The following SI variants were observed in gnomAD, a reference collection of about 807,000 sequenced individuals.
SI encodes sucrase-isomaltase, intestinal.
Under a neutral mutation model 253.3 loss-of-function variants are expected in SI, and 235 were observed. That is an observed-to-expected ratio of 0.93 (90% CI 0.83 to 1.03). The LOEUF (loss-of-function observed/expected upper bound fraction) is 1.03, where lower values mean the gene tolerates loss of function less well. Among genes scored for constraint, SI ranks in the 50% least tolerant of loss-of-function variants. The probability of loss-of-function intolerance (pLI) is 0.00; values close to 1 mark genes in which losing one functional copy is unlikely to be tolerated. For missense variants in SI, 2,442 were observed against 2,211.1 expected (o/e 1.10, Z -2.09); for synonymous variants, 819 against 712.0 (o/e 1.15, Z -2.39).
intron 3 of SI, among the ~76,000 whole-genome samples, chr3:165,072,835 TA>T (rs1398549056): frequency 1.0e-5 from 1 of 98,438 alleles, no homozygotes. Context: ...ATAATCTCTT[TA>T]AAATCATTTT....
chr3:164,994,294 C>T lies in SI; in HGVS notation c.4804G>A (p.Ala1602Thr). ...GGTCGGATAACAGTGCCACCATTAG[C>T]ATGAATTTCATGCATTTGTGTGTAA... ...YFYTQMHEIH[A>T]NGGTVIRPLL... Residue 1602 changes from alanine (A) to threonine (T), a missense_variant, in exon 41 of 48, where the codon GCT (alanine) becomes ACT (threonine). Coordinates refer to ENST00000264382, the MANE Select transcript of SI (RefSeq NM_001041.4). 6.2e-7 allele frequency: 1 copy of T among 1,611,114 alleles called. No individual in the cohort carries two copies. Among genetic ancestry groups the T allele is most frequent in the Non-Finnish European group, 8.5e-7 (1 of 1,178,010 alleles).
intron 37 of SI, among the ~76,000 whole-genome samples, chr3:165,002,676 T>A (rs1436089896): frequency 6.6e-6 from 1 of 151,760 alleles, no homozygotes; most frequent in Non-Finnish European, 1.5e-5. Flanking sequence ...ACCTTATTTA[T>A]AGTGTTTTTT....
intron 35 of SI, among the ~76,000 whole-genome samples, chr3:165,008,333 A>AT (rs1166038431): frequency 6.6e-6 from 1 of 151,968 alleles, no homozygotes; most frequent in Admixed American, 6.6e-5. Context: ...CCTGAGCCTG[A>AT]TATCAATTGC....
At chr3:165,038,170 T>G in intron 20 of SI, 146 bp from the exon 21 acceptor site, 2 of 705,462 alleles carry the variant, frequency 2.8e-6, no homozygotes, top group African/African-American at 1.8e-5. Flanking sequence ...TAGGAGAATT[T>G]TTTTTTTCAG....
chr3:165,021,515 T>G, intron 26 of SI, 132 bp from the exon 27 acceptor site: 2 of 740,610 alleles, frequency 2.7e-6, no homozygotes, highest in Non-Finnish European at 4.7e-6. Context: ...AATTCTACAT[T>G]CATGGTCCAT....
At chr3:165,047,997 A>G (rs1015327146) in intron 15 of SI, among the ~76,000 whole-genome samples, 1 of 152,070 alleles carries the variant, frequency 6.6e-6, no homozygotes, top group Non-Finnish European at 1.5e-5. Context: ...AATCTTTATT[A>G]TATTGAAACA....
chr3:164,991,279 C>G lies in SI; in HGVS notation c.5108+74G>C, dbSNP rs537044381. 116 of 1,563,992 alleles carry G rather than the reference C, an allele frequency of 7.4e-5. No individual in the cohort carries two copies. The South Asian group carries it at 1.2e-3, about 16-fold the overall frequency. Reference sequence around the variant, plus strand: ...TTGGCGATGGGTTAAAATTTCAAACCCTTTCTATTTCTTAACAATGCTAGC... The same window carrying G: ...TTGGCGATGGGTTAAAATTTCAAACGCTTTCTATTTCTTAACAATGCTAGC... On this transcript the variant is annotated intron_variant, in intron 44 of 47. Coordinates refer to ENST00000264382, the MANE Select transcript of SI (RefSeq NM_001041.4).
intron 37 of SI, among the ~76,000 whole-genome samples, chr3:165,000,423 A>G (rs1391582218): frequency 6.6e-6 from 1 of 151,452 alleles, no homozygotes; most frequent in African/African-American, 2.4e-5. Flanking sequence ...CAGAATAGCT[A>G]AAAGAAAGAA....
At chr3:165,030,565 T>C in intron 25 of SI, 147 bp downstream of exon 25, 1 of 795,692 alleles carries the variant, frequency 1.3e-6, no homozygotes, top group South Asian at 1.7e-5. Flanking sequence ...GTGAATTGCC[T>C]GTCAGAGATG....
intron 18 of SI, 23 bp downstream of exon 18, chr3:165,040,917 T>C (rs768713696): frequency 3.8e-6 from 6 of 1,568,596 alleles, no homozygotes; most frequent in Non-Finnish European, 4.4e-6. Flanking sequence ...GGTATTATTA[T>C]AATTATTGTA....
At chr3:165,085,192 G>A in the SI span, among the ~76,000 whole-genome samples, 1 of 151,846 alleles carries the variant, frequency 6.6e-6, no homozygotes, top group Non-Finnish European at 1.5e-5. Flanking sequence ...AATGAAACAG[G>A]GATTAAACAT....
At chr3:164,991,223 T>C in intron 44 of SI, 130 bp downstream of exon 44, 1 of 965,622 alleles carries the variant, frequency 1.0e-6, no homozygotes, top group African/African-American at 1.6e-5. Context: ...GACCTGGCAT[T>C]CATGTTACTG....
At chr3:165,019,171 A>G (rs1241576969) in intron 28 of SI, among the ~76,000 whole-genome samples, 1 of 151,904 alleles carries the variant, frequency 6.6e-6, no homozygotes, top group Non-Finnish European at 1.5e-5. Flanking sequence ...CACTTTGGCC[A>G]CATAAAGTTA....
intron 28 of SI, among the ~76,000 whole-genome samples, chr3:165,018,468 A>T (rs1168681410): frequency 6.6e-6 from 1 of 150,902 alleles, no homozygotes; most frequent in Non-Finnish European, 1.5e-5. Context: ...TTCCATAGTA[A>T]AATGTCCTAG....
intron 23 of SI, among the ~76,000 whole-genome samples, chr3:165,032,978 A>G (rs879794718): frequency 2.6e-4 from 39 of 151,524 alleles, no homozygotes; most frequent in Non-Finnish European, 4.9e-4. Flanking sequence ...TTTGCTAAAG[A>G]AGAATGTATG....
chr3:164,987,376 T>TACTAATGGA (rs1158760380), intron 44 of SI, 150 bp from the exon 45 acceptor site: 1 of 673,700 alleles, frequency 1.5e-6, no homozygotes, highest in Non-Finnish European at 2.6e-6. Context: ...CATTTCCATT[T>TACTAATGGA]TTCTAAATTA....
chr3:165,036,324 A>T, intron 22 of SI, 65 bp downstream of exon 22: 1 of 1,062,232 alleles, frequency 9.4e-7, no homozygotes, highest in Non-Finnish European at 1.5e-6. Flanking sequence ...TACAACCTAT[A>T]TCAATAAAGC....
At chr3:165,007,144 T>C (rs1718551949) in intron 36 of SI, among the ~76,000 whole-genome samples, 190 bp from the exon 37 acceptor site, 2 of 152,108 alleles carry the variant, frequency 1.3e-5, no homozygotes, top group Admixed American at 6.6e-5. Context: ...TGTAACTGAA[T>C]TACATGAATT....
intron 25 of SI, among the ~76,000 whole-genome samples, chr3:165,027,975 T>A (rs752082918): frequency 1.1e-4 from 16 of 151,330 alleles, no homozygotes; most frequent in Non-Finnish European, 2.2e-4. Flanking sequence ...GGCATCCAAA[T>A]CAGTAAAGGG....
Sources: gnomAD v4.1 joint callset for allele counts (sites outside exome capture counted in the v4.1 genomes callset) on GRCh38, gnomAD v4.1.1 for gene constraint, MANE v1.5 for transcripts, NCBI Gene and HGNC (gene_info 2026-07-23, HGNC 2026-07-21) for gene names.